Variants in ARHGEF3 observed in about 807,000 individuals in gnomAD.
ARHGEF3 encodes the protein Rho guanine nucleotide exchange factor 3.
Under a neutral mutation model 63.2 loss-of-function variants are expected in ARHGEF3, and 28 were observed. The observed-to-expected ratio is 0.44, with a 90% CI of 0.33 to 0.61. ARHGEF3 has a LOEUF of 0.61. Ranked by LOEUF, ARHGEF3 falls within the 20% of genes least tolerant of loss-of-function variation. The pLI is 0.03. For synonymous variants in ARHGEF3, 266 were observed against 254.2 expected, an observed-to-expected ratio of 1.05 and a Z score of -0.44; for missense variants, 533 against 659.3, an observed-to-expected ratio of 0.81 and a Z score of 2.10.
At chr3:56,764,317 G>C (rs2035581955) in intron 2 of ARHGEF3, among the ~76,000 whole-genome samples, 1 of 152,118 alleles carries the variant, frequency 6.6e-6, no homozygotes, top group Admixed American at 6.5e-5. Flanking sequence ...GCTTTTGCAT[G>C]AGAATGTTAA....
At chr3:56,738,330 G>A (rs1005059574) in intron 7 of ARHGEF3, among the ~76,000 whole-genome samples, 2 of 151,928 alleles carry the variant, frequency 1.3e-5, no homozygotes, top group African/African-American at 4.8e-5. Context: ...GAGCCACTGC[G>A]CCTGGCCAAT....
intron 2 of ARHGEF3, among the ~76,000 whole-genome samples, chr3:56,757,735 TG>T (rs2035161027): frequency 6.6e-6 from 1 of 151,572 alleles, no homozygotes; most frequent in African/African-American, 2.4e-5. Flanking sequence ...CTTTTTTTTT[TG>T]TTTTGAGATG....
chr3:56,950,692 T>C (rs1699762030), intron 3 of ARHGEF3, among the ~76,000 whole-genome samples: 1 of 152,030 alleles, frequency 6.6e-6, no homozygotes, highest in Admixed American at 6.5e-5. Context: ...GACTGTAAAC[T>C]AGTCCAACCA....
At chr3:56,798,921 A>C (rs577802575) in intron 1 of ARHGEF3, among the ~76,000 whole-genome samples, 1 of 152,320 alleles carries the variant, frequency 6.6e-6, no homozygotes, top group East Asian at 1.9e-4. Context: ...CAACCAATTC[A>C]AACCCCCATG....
chr3:56,799,868 A>G (rs1027246377), intron 1 of ARHGEF3, among the ~76,000 whole-genome samples: 1 of 152,248 alleles, frequency 6.6e-6, no homozygotes, highest in Non-Finnish European at 1.5e-5. Flanking sequence ...AAACACTAAA[A>G]AACAAAAACC....
intron 3 of ARHGEF3, among the ~76,000 whole-genome samples, chr3:56,910,688 G>A (rs1402788761): frequency 1.3e-5 from 2 of 152,050 alleles, no homozygotes; most frequent in Non-Finnish European, 2.9e-5. Context: ...AAGAAATACA[G>A]TAACTGAAAA....
intron 3 of ARHGEF3, chr3:56,916,487 G>A: frequency 7.2e-7 from 1 of 1,385,952 alleles, no homozygotes; most frequent in Admixed American, 3.1e-5. Context: ...GAAGTGACAG[G>A]GGCCATCAGT....
chr3:56,959,160 T>G (rs552303830), intron 2 of ARHGEF3, among the ~76,000 whole-genome samples: 4 of 152,236 alleles, frequency 2.6e-5, no homozygotes, highest in African/African-American at 9.6e-5. Context: ...CTGGATGCAA[T>G]AAAAAAGTCA....
intron 2 of ARHGEF3, among the ~76,000 whole-genome samples, chr3:56,963,968 T>C (rs1260563681): frequency 6.6e-6 from 1 of 152,146 alleles, no homozygotes; most frequent in East Asian, 1.9e-4. Flanking sequence ...CAATAACATT[T>C]CTATGGCTCA....
chr3:57,020,541 T>C (rs1703213868), intron 2 of ARHGEF3, among the ~76,000 whole-genome samples: 1 of 152,278 alleles, frequency 6.6e-6, no homozygotes, highest in Non-Finnish European at 1.5e-5. Context: ...AAGCCCACGT[T>C]GTGAACAAAT....
Position 56,986,799 on chromosome 3 carries a change from T to C in ARHGEF3, c.63-27910A>G, listed in dbSNP as rs1004113358. 2.4e-5 allele frequency among the ~76,000 whole-genome samples: 3 copies of C among 124,440 alleles called. No individual in the cohort carries two copies. In the Admixed American group the frequency reaches 2.8e-4, roughly 12 times the overall value. 81.6% of individuals were successfully genotyped at this position (124,440 alleles called of 152,430 possible). A position where few individuals can be genotyped will look rare whatever the true frequency, so the allele number is the denominator to read the frequency against. On this transcript the variant is annotated intron_variant, in intron 2 of 12. Coordinates refer to the ARHGEF3 transcript ENST00000338458. Reference sequence around the variant, plus strand: ...GGGGGCAGAAAAGAGGATAAACGCATGCGAATTTTGAAAAAAAAAAAGATA... The same window carrying C: ...GGGGGCAGAAAAGAGGATAAACGCACGCGAATTTTGAAAAAAAAAAAGATA...
intron 2 of ARHGEF3, among the ~76,000 whole-genome samples, chr3:57,022,397 A>G (rs1451125872): frequency 6.6e-6 from 1 of 151,520 alleles, no homozygotes; most frequent in African/African-American, 2.4e-5. Flanking sequence ...CCATCTCATC[A>G]CCCACATCTG....
At chr3:56,772,947 G>C (rs1223143856) in intron 2 of ARHGEF3, among the ~76,000 whole-genome samples, 1 of 152,158 alleles carries the variant, frequency 6.6e-6, no homozygotes, top group Non-Finnish European at 1.5e-5. Context: ...GAGATGTTAA[G>C]TCACCTGCCC....
At chr3:56,936,186 A>G (rs1698892591) in intron 3 of ARHGEF3, among the ~76,000 whole-genome samples, 1 of 152,120 alleles carries the variant, frequency 6.6e-6, no homozygotes, top group African/African-American at 2.4e-5. Flanking sequence ...GAAAGATCAC[A>G]CTGAGTTGGT....
intron 1 of ARHGEF3, among the ~76,000 whole-genome samples, chr3:56,796,158 T>C (rs1202441987): frequency 6.6e-6 from 1 of 152,188 alleles, no homozygotes; most frequent in Non-Finnish European, 1.5e-5. Context: ...AAAGTAGCCC[T>C]TCCAGATACA....
chr3:57,023,544 CTTAGGACAGAGTCTAAGCTCT>C (rs149209973), intron 2 of ARHGEF3, among the ~76,000 whole-genome samples: 48,564 of 152,018 alleles, frequency 0.32, 7,967 homozygotes, highest in African/African-American at 0.37. Flanking sequence ...TCTTGGGACC[CTTAGGACAGAGTCTAAGCTCT>C]TTACTACCAA....
chr3:56,882,656 T>A lies in ARHGEF3; in HGVS notation c.130-302A>T, dbSNP rs372155071. On this transcript the variant is annotated intron_variant, in intron 3 of 12. Transcript: ENST00000338458. ...GCCTCAGCCTCCTGAGTAGCTGGGATTATAGGCACACGCCACCACGCCTGG... is the reference window on the plus strand; with the variant it reads ...GCCTCAGCCTCCTGAGTAGCTGGGAATATAGGCACACGCCACCACGCCTGG... 3.3e-5 allele frequency among the ~76,000 whole-genome samples: 5 copies of A among 151,844 alleles called. 1 individual carries two copies. Among genetic ancestry groups the A allele is most frequent in the East Asian group, 3.9e-4 (2 of 5,140 alleles).
intron 1 of ARHGEF3, among the ~76,000 whole-genome samples, chr3:57,066,521 CCAAAGTGCTGGGACTATTGG>C (rs1705548682): frequency 6.6e-6 from 1 of 152,232 alleles, no homozygotes; most frequent in African/African-American, 2.4e-5. Flanking sequence ...CCTCGGCCTC[CCAAAGTGCTGGGACTATTGG>C]CGTGAGCCAC....
intron 2 of ARHGEF3, among the ~76,000 whole-genome samples, chr3:56,987,333 G>A (rs1202350528): frequency 5.3e-5 from 8 of 152,272 alleles, no homozygotes; most frequent in Non-Finnish European, 8.8e-5. Context: ...ATCATGTGCC[G>A]GCCACAGGGA....
Sources: allele counts gnomAD v4.1 joint callset (sites outside exome capture counted in the v4.1 genomes callset), GRCh38; gene constraint gnomAD v4.1.1; transcripts MANE v1.5; gene names NCBI Gene and HGNC (gene_info 2026-07-23, HGNC 2026-07-21).